Variants in TGM4 observed in about 807,000 individuals in gnomAD.
TGM4 encodes the protein transglutaminase 4.
Under a neutral mutation model 76.3 loss-of-function variants are expected in TGM4, and 61 were observed. The observed-to-expected ratio is 0.80, with a 90% CI of 0.65 to 0.99. TGM4 has a LOEUF of 0.99. Among genes scored for constraint, TGM4 ranks in the 50% least tolerant of loss-of-function variants. TGM4 has a pLI of 0.00. For missense variants in TGM4, 794 were observed against 843.2 expected, an observed-to-expected ratio of 0.94 and a Z score of 0.72; for synonymous variants, 337 against 329.8, an observed-to-expected ratio of 1.02 and a Z score of -0.24.
intron 6 of TGM4, among the ~76,000 whole-genome samples, chr3:44,897,874 C>T (rs546373811): frequency 5.9e-5 from 9 of 152,260 alleles, no homozygotes; most frequent in Admixed American, 3.3e-4. Context: ...TTTTGCAAAT[C>T]TCTTTAATGT....
intron 6 of TGM4, among the ~76,000 whole-genome samples, chr3:44,900,186 G>A (rs1399279798): frequency 2.6e-5 from 4 of 152,188 alleles, no homozygotes; most frequent in Non-Finnish European, 4.4e-5. Flanking sequence ...CTCTATAGAC[G>A]GCTTGTGTCT....
intron 1 of TGM4, among the ~76,000 whole-genome samples, chr3:44,875,647 T>G (rs1434956714): frequency 6.6e-6 from 1 of 152,186 alleles, no homozygotes; most frequent in East Asian, 1.9e-4. Flanking sequence ...CCACAAGCCC[T>G]CTGTAACCTC....
intron 10 of TGM4, among the ~76,000 whole-genome samples, chr3:44,907,421 T>G (rs1372113993): frequency 6.6e-6 from 1 of 152,054 alleles, no homozygotes; most frequent in Non-Finnish European, 1.5e-5. Context: ...AGGTTGAGGT[T>G]GCTGTGAGCT....
rs1377071532 is a variant in TGM4 at position 44,885,384 on chromosome 3, T to C, written c.79T>C (p.Trp27Arg). ...GGACAACGCCGTTTCTCACCACACA[T>C]GGGAGTTCCAAACGAGCAGTCCTGT... ...NQDNAVSHHTWEFQTSSPVFR... is the reference protein window; with the variant it reads ...NQDNAVSHHTREFQTSSPVFR... The change falls in exon 2 of 14, where the codon TGG becomes CGG. Residue 27 changes from tryptophan to arginine, a missense_variant. Coordinates refer to ENST00000296125, the MANE Select transcript of TGM4 (RefSeq NM_003241.4). The C allele has an allele frequency of 1.9e-6, 3 of 1,613,906 alleles. No individual in the cohort carries two copies. Among genetic ancestry groups the C allele is most frequent in the Non-Finnish European group, 1.7e-6 (2 of 1,179,980 alleles).
intron 1 of TGM4, among the ~76,000 whole-genome samples, chr3:44,878,590 C>T (rs545735738): frequency 6.6e-6 from 1 of 151,800 alleles, no homozygotes; most frequent in African/African-American, 2.4e-5. Context: ...TCAAGCGATT[C>T]TCCTACCTCA....
chr3:44,911,476 T>A, intron 13 of TGM4, 70 bp downstream of exon 13: 1 of 1,557,162 alleles, frequency 6.4e-7, no homozygotes, highest in South Asian at 1.2e-5. Flanking sequence ...TGCATATTCC[T>A]GAGAAGTGAA....
chr3:44,879,421 C>T (rs552019549), intron 1 of TGM4, among the ~76,000 whole-genome samples: 1 of 151,448 alleles, frequency 6.6e-6, no homozygotes, highest in Non-Finnish European at 1.5e-5. Flanking sequence ...ATTCTTCTGC[C>T]TCAGCCTCTC....
chr3:44,893,422 C>T (rs955824817), intron 4 of TGM4, among the ~76,000 whole-genome samples, 155 bp from the exon 5 acceptor site: 2 of 152,156 alleles, frequency 1.3e-5, no homozygotes, highest in Non-Finnish European at 1.5e-5. Flanking sequence ...CTTTTGGATA[C>T]TTTCCCTCCC....
In TGM4 at chr3:44,903,924, G is replaced by T; in HGVS notation, c.1012G>T (p.Asp338Tyr). The change falls in exon 9 of 14, where the codon GAT (aspartate) becomes TAT (tyrosine). Residue 338 changes from aspartate (D) to tyrosine (Y), a missense_variant. Physicochemically the swap from Asp to Tyr is radical, Grantham distance 160 (BLOSUM62 -3). Coordinates refer to ENST00000296125, the MANE Select transcript of TGM4 (RefSeq NM_003241.4). ...VWTDAWMKRPDLPKGYDGWQA... is the reference protein window; with the variant it reads ...VWTDAWMKRPYLPKGYDGWQA... ...GACGGATGCCTGGATGAAGCGACCG[G>T]ATCTGCCCAAGGGCTACGACGGCTG... 6.2e-7 allele frequency: 1 copy of T among 1,614,216 alleles called. No individual in the cohort carries two copies.
chr3:44,882,050 A>G (rs1488596909), intron 1 of TGM4, among the ~76,000 whole-genome samples: 1 of 143,864 alleles, frequency 7.0e-6, no homozygotes, highest in Non-Finnish European at 1.5e-5. Context: ...AAATAAAAAT[A>G]CAAACGCTTT....
chr3:44,907,310 C>CAAAA (rs3082589), intron 10 of TGM4, 110 bp downstream of exon 10: 51 of 660,368 alleles, frequency 7.7e-5, no homozygotes, highest in African/African-American at 1.4e-4. Flanking sequence ...CCATCCCTAC[C>CAAAA]AAAAAAAAAA....
chr3:44,887,391 A>G, intron 2 of TGM4, among the ~76,000 whole-genome samples: 1 of 152,310 alleles, frequency 6.6e-6, no homozygotes, highest in African/African-American at 2.4e-5. Flanking sequence ...ACAAATGGTA[A>G]CTCGAATGAG....
At chr3:44,878,469 T>C (rs1466371112) in intron 1 of TGM4, among the ~76,000 whole-genome samples, 3 of 146,226 alleles carry the variant, frequency 2.1e-5, no homozygotes, top group Admixed American at 6.8e-5. Context: ...TTATTATTAT[T>C]ATTATTATTA....
chr3:44,885,602 C>A, intron 2 of TGM4, 104 bp downstream of exon 2: 1 of 1,240,332 alleles, frequency 8.1e-7, no homozygotes, highest in Non-Finnish European at 1.1e-6. Flanking sequence ...GAGTGCCTTA[C>A]CCTCCCTGAT....
At chr3:44,904,150 A>G (rs776542738) in intron 9 of TGM4, among the ~76,000 whole-genome samples, 163 bp downstream of exon 9, 110 of 152,358 alleles carry the variant, frequency 7.2e-4, no homozygotes, top group Non-Finnish European at 1.4e-3. Flanking sequence ...CCCACTGAGC[A>G]GGGGCTTCAG....
At position 44,907,394 on chromosome 3, in the gene TGM4, G is replaced by C. The variant is rs542126664; in HGVS notation, c.1327+194G>C. 3.3e-5 allele frequency among the ~76,000 whole-genome samples: 5 copies of C among 152,032 alleles called. No homozygotes were observed. The South Asian group carries it at 1.0e-3, about 32-fold the overall frequency. On this transcript the variant is annotated intron_variant, in intron 10 of 13. Transcript: ENST00000296125. ...GCTACTCAGGAGGCTAAGGTGGGAG[G>C]ACTGCTTGAGCCAGGGAGGTTGAGG...
At chr3:44,888,168 A>T (rs904356154) in intron 3 of TGM4, 2 of 221,962 alleles carry the variant, frequency 9.0e-6, no homozygotes, top group South Asian at 7.8e-5. Context: ...ATGGGGGTCC[A>T]TCTCATGCTT....
At chr3:44,888,982 A>G (rs993206893) in intron 3 of TGM4, 1 of 152,024 alleles carries the variant, frequency 6.6e-6, no homozygotes, top group Non-Finnish European at 1.5e-5. Flanking sequence ...AATGACAATT[A>G]AACATTTATA....
intron 1 of TGM4, among the ~76,000 whole-genome samples, chr3:44,883,051 A>G (rs1486717836): frequency 6.6e-6 from 1 of 152,186 alleles, no homozygotes; most frequent in East Asian, 1.9e-4. Flanking sequence ...TTGGGAACCC[A>G]GGTCACCCAC....
Sources: allele counts gnomAD v4.1 joint callset (sites outside exome capture counted in the v4.1 genomes callset), GRCh38; gene constraint gnomAD v4.1.1; transcripts MANE v1.5; gene names NCBI Gene and HGNC (gene_info 2026-07-23, HGNC 2026-07-21).